Variants in RYR3 observed in about 807,000 individuals in gnomAD.
The protein encoded by RYR3 is brain ryanodine receptor-calcium release channel.
Under a neutral mutation model 584.3 loss-of-function variants are expected in RYR3, and 207 were observed. That is an observed-to-expected ratio of 0.35 (90% CI 0.32 to 0.40). RYR3 has a LOEUF of 0.40. RYR3 is among the 10% of genes least tolerant of loss of function. The pLI, the probability that RYR3 is intolerant of heterozygous loss-of-function variation, is 1.00. For synonymous variants in RYR3, 2,416 were observed against 2,248.5 expected, an observed-to-expected ratio of 1.07 and a Z score of -2.11; for missense variants, 5,616 against 6,089.2, an observed-to-expected ratio of 0.92 and a Z score of 2.59.
intron 1 of RYR3, among the ~76,000 whole-genome samples, chr15:33,436,663 G>A (rs2045756549): frequency 7.2e-6 from 1 of 139,258 alleles, no homozygotes; most frequent in Non-Finnish European, 1.5e-5. Flanking sequence ...ACCACGCCAG[G>A]CTAATTTTTT....
intron 38 of RYR3, among the ~76,000 whole-genome samples, chr15:33,679,749 T>C (rs1337822341): frequency 2.0e-5 from 3 of 152,182 alleles, no homozygotes; most frequent in African/African-American, 7.2e-5. Flanking sequence ...AACATAAATT[T>C]TGTATTGCTA....
intron 11 of RYR3, 84 bp downstream of exon 11, chr15:33,563,094 G>A: frequency 9.3e-7 from 1 of 1,078,672 alleles, no homozygotes; most frequent in Non-Finnish European, 1.4e-6. Flanking sequence ...AGAACCAGGT[G>A]GACATGATTG....
At chr15:33,527,580 C>T (rs2054499648) in intron 3 of RYR3, among the ~76,000 whole-genome samples, 1 of 123,584 alleles carries the variant, frequency 8.1e-6, no homozygotes, top group African/African-American at 2.7e-5. Context: ...GGACACAACT[C>T]TGTCTCAAAA....
intron 31 of RYR3, 62 bp from the exon 32 acceptor site, chr15:33,652,656 T>G (rs1391403426): frequency 7.2e-6 from 11 of 1,527,578 alleles, no homozygotes; most frequent in African/African-American, 5.6e-5. Flanking sequence ...ATTTCATTCC[T>G]GAGTCTTGAT....
chr15:33,841,995 A>T lies in RYR3; in HGVS notation c.13169A>T (p.Asn4390Ile). 6.2e-7 allele frequency: 1 copy of T among 1,603,612 alleles called. No homozygotes were observed. Among genetic ancestry groups the T allele is most frequent in the Non-Finnish European group, 8.5e-7 (1 of 1,174,870 alleles). Residue 4390 changes from asparagine (N) to isoleucine (I), a missense_variant, in exon 91 of 104, where the codon AAT becomes ATT. Coordinates refer to ENST00000634891, the MANE Select transcript of RYR3 (RefSeq NM_001036.6). The stretch of plus-strand genomic sequence containing the variant: ...GAGAAGCCGGAAGCTTTCACAGCCA[A>T]TTTCTTTAAAGGGCTGGAAATCTAT... Reference protein sequence around the residue: ...KVEKPEAFTANFFKGLEIYQT... With the variant: ...KVEKPEAFTAIFFKGLEIYQT...
rs2074862346 is a variant in RYR3, at chr15:33,788,209, T to G, written c.9590-9T>G. ...CGTGAAATGACGGGGAGGCTCTTTG[T>G]AAACGCAGTGTATGCACAGCCCATC... On this transcript the variant is annotated splice_polypyrimidine_tract_variant and intron_variant, in intron 66 of 103. Coordinates refer to ENST00000634891, the MANE Select transcript of RYR3 (RefSeq NM_001036.6). The G allele has an allele frequency of 6.2e-7, 1 of 1,613,440 alleles. No homozygotes were observed. The highest frequency in any genetic ancestry group is 1.7e-5 in the Admixed American group (1 of 60,002).
At chr15:33,595,443 A>G (rs192455627) in intron 16 of RYR3, among the ~76,000 whole-genome samples, 1 of 152,298 alleles carries the variant, frequency 6.6e-6, no homozygotes, top group East Asian at 1.9e-4. Context: ...ACAGGGGTCC[A>G]TATACTGGTT....
At chr15:33,756,067 C>T (rs2071790077) in intron 58 of RYR3, among the ~76,000 whole-genome samples, 1 of 152,196 alleles carries the variant, frequency 6.6e-6, no homozygotes, top group Non-Finnish European at 1.5e-5. Context: ...AGCCATCGCG[C>T]CCAGCCTTGA....
intron 22 of RYR3, 36 bp from the exon 23 acceptor site, chr15:33,631,174 A>G (rs1456494484): frequency 7.8e-7 from 1 of 1,282,050 alleles, no homozygotes; most frequent in Non-Finnish European, 1.1e-6. Flanking sequence ...CTAACACTGC[A>G]GTTAACCTTA....
intron 81 of RYR3, among the ~76,000 whole-genome samples, chr15:33,823,886 G>T (rs758068783): frequency 1.6e-4 from 24 of 152,008 alleles, no homozygotes; most frequent in Non-Finnish European, 3.2e-4. Context: ...AAAATGTGGA[G>T]GATGGTCATC....
intron 1 of RYR3, among the ~76,000 whole-genome samples, chr15:33,440,734 C>A (rs1285477653): frequency 6.6e-6 from 1 of 152,200 alleles, no homozygotes; most frequent in African/African-American, 2.4e-5. Flanking sequence ...GGTTCTATTT[C>A]AACTTGGTAG....
intron 3 of RYR3, among the ~76,000 whole-genome samples, chr15:33,505,152 A>G (rs1404913034): frequency 6.6e-6 from 1 of 152,232 alleles, no homozygotes; most frequent in Non-Finnish European, 1.5e-5. Context: ...TAGAAGAGAC[A>G]ATTGACCATA....
intron 81 of RYR3, among the ~76,000 whole-genome samples, 180 bp from the exon 82 acceptor site, chr15:33,825,423 G>A (rs1180319304): frequency 6.6e-6 from 1 of 152,110 alleles, no homozygotes; most frequent in Non-Finnish European, 1.5e-5. Flanking sequence ...AGGCACCTAA[G>A]ACAACACTGC....
At chr15:33,462,854 G>C (rs527680147) in intron 1 of RYR3, among the ~76,000 whole-genome samples, 1 of 152,204 alleles carries the variant, frequency 6.6e-6, no homozygotes, top group East Asian at 1.9e-4. Context: ...AATATGAAAA[G>C]TTAAAGTGTC....
intron 74 of RYR3, among the ~76,000 whole-genome samples, chr15:33,816,330 G>A (rs558747076): frequency 2.6e-5 from 4 of 152,330 alleles, no homozygotes; most frequent in South Asian, 2.1e-4. Context: ...TGCCAACGAC[G>A]TAACGTGCTT....
intron 1 of RYR3, among the ~76,000 whole-genome samples, chr15:33,467,259 C>T (rs547068362): frequency 6.6e-6 from 1 of 152,356 alleles, no homozygotes; most frequent in African/African-American, 2.4e-5. Context: ...GTCCCACGTG[C>T]TCCTGGTCAT....
chr15:33,548,885 C>T (rs2056453405), intron 9 of RYR3, among the ~76,000 whole-genome samples: 1 of 152,086 alleles, frequency 6.6e-6, no homozygotes, highest in Non-Finnish European at 1.5e-5. Flanking sequence ...TTAAGCATCG[C>T]CCTCTGATTT....
chr15:33,492,739 C>G (rs753899094), intron 2 of RYR3, among the ~76,000 whole-genome samples: 13 of 152,072 alleles, frequency 8.5e-5, no homozygotes, highest in Non-Finnish European at 1.9e-4. Flanking sequence ...CCGATTGCAC[C>G]TGAGGAGACA....
rs563582141 is a variant in RYR3, at chr15:33,542,577, T to TA, written c.647-1038dup. Among the ~76,000 whole-genome samples the TA allele has an allele frequency of 7.2e-5, 11 of 152,218 alleles. No individual in the cohort carries two copies. In the South Asian group the frequency reaches 1.9e-3, roughly 26 times the overall value. ...TTTAGAAAAACTTGCCTTGTCTAGG[T>TA]AAAAAAACTGAACTCATAACAGACT... On this transcript the variant is annotated intron_variant, in intron 7 of 103. Coordinates refer to ENST00000634891, the MANE Select transcript of RYR3 (RefSeq NM_001036.6).
Sources: gnomAD v4.1 joint callset for allele counts (sites outside exome capture counted in the v4.1 genomes callset) on GRCh38, gnomAD v4.1.1 for gene constraint, MANE v1.5 for transcripts, NCBI Gene and HGNC (gene_info 2026-07-23, HGNC 2026-07-21) for gene names.